Variants in DNAH3 observed in about 807,000 individuals in gnomAD.
The protein encoded by DNAH3 is axonemal beta dynein heavy chain 3.
DNAH3 carries 332 observed loss-of-function variants against 432.5 expected under a neutral mutation model. That is an observed-to-expected ratio of 0.77 (90% CI 0.70 to 0.84). DNAH3 has a LOEUF of 0.84. Among genes scored for constraint, DNAH3 ranks in the 40% least tolerant of loss-of-function variants. The pLI, the probability that DNAH3 is intolerant of heterozygous loss-of-function variation, is 0.00. For synonymous variants in DNAH3, 1,956 were observed against 1,900.2 expected (o/e 1.03, Z -0.76); for missense variants, 4,861 against 5,114.0 (o/e 0.95, Z 1.51).
chr16:20,935,843 C>CA (rs61499842), intron 60 of DNAH3, among the ~76,000 whole-genome samples: 771 of 55,706 alleles, frequency 0.014, 1 homozygote, highest in African/African-American at 0.029. Context: ...AACTTCATCT[C>CA]AAAAAAAAAA....
chr16:21,046,361 G>C (rs1340055709), intron 31 of DNAH3, among the ~76,000 whole-genome samples: 1 of 150,782 alleles, frequency 6.6e-6, no homozygotes, highest in East Asian at 1.9e-4. Flanking sequence ...TGGTGCTCCT[G>C]TATTGGGTGC....
intron 12 of DNAH3, among the ~76,000 whole-genome samples, chr16:21,114,692 T>C (rs1597403214): frequency 6.6e-6 from 1 of 152,120 alleles, no homozygotes; most frequent in East Asian, 1.9e-4. Context: ...CACAATGAGA[T>C]ACCATCTCAC....
chr16:21,027,931 G>A (rs1211904056), intron 37 of DNAH3, among the ~76,000 whole-genome samples: 1 of 152,144 alleles, frequency 6.6e-6, no homozygotes, highest in East Asian at 1.9e-4. Context: ...TTGAACACCC[G>A]CATGGACTAA....
rs563726729 is a variant in DNAH3 at position 21,003,271 on chromosome 16, A to G, written c.6023-64T>C. 465 of 1,069,416 alleles carry G rather than the reference A, an allele frequency of 4.3e-4. 7 individuals carry two copies. In the South Asian group the frequency reaches 6.0e-3, roughly 14 times the overall value. 66.2% of individuals were successfully genotyped at this position (1,069,416 alleles called of 1,614,324 possible). On this transcript the variant is annotated intron_variant, in intron 41 of 61. Coordinates refer to ENST00000261383, the Ensembl canonical transcript of DNAH3. Reference sequence around the variant, plus strand: ...AGGCTTTACTTGCCTCCCATATTTGAGGATTTTAAGTCCCTCAGTTATCAG... The same window carrying G: ...AGGCTTTACTTGCCTCCCATATTTGGGGATTTTAAGTCCCTCAGTTATCAG...
At chr16:21,070,973 C>G in intron 21 of DNAH3, 147 bp from the exon 22 acceptor site, 1 of 566,318 alleles carries the variant, frequency 1.8e-6, no homozygotes, top group East Asian at 3.0e-5. Context: ...CAGCCTCAAA[C>G]TCCTGGGCTT....
chr16:20,967,641 T>C (rs2085124532), intron 52 of DNAH3, among the ~76,000 whole-genome samples: 1 of 151,746 alleles, frequency 6.6e-6, no homozygotes, highest in Non-Finnish European at 1.5e-5. Flanking sequence ...TAGCTGGGAT[T>C]AGGCACACAC....
chr16:21,100,477 T>C (rs1246114805), intron 16 of DNAH3, among the ~76,000 whole-genome samples: 2 of 152,244 alleles, frequency 1.3e-5, no homozygotes, highest in African/African-American at 4.8e-5. Context: ...AAACATTTCA[T>C]TCATTCACTC....
Position 21,067,308 on chromosome 16 carries a change from C to A in DNAH3, c.3493G>T (p.Glu1165Ter). The A allele has an allele frequency of 6.2e-7, 1 of 1,614,076 alleles. No homozygotes were observed. The highest frequency in any genetic ancestry group is 8.5e-7 in the Non-Finnish European group (1 of 1,179,980). The change falls in exon 24 of 62, where the codon GAG (glutamate) becomes TAG (stop). Residue 1165 changes from glutamate to a stop codon, truncating the protein, a stop_gained. Coordinates refer to ENST00000261383, the Ensembl canonical transcript of DNAH3. LOFTEE classifies it high-confidence loss of function. ...CTGGGGAAGAATAGTCTCTTCTTCTCCAAGTAATCATTCAGCCCTTTCTGG... is the reference window on the plus strand; with the variant it reads ...CTGGGGAAGAATAGTCTCTTCTTCTACAAGTAATCATTCAGCCCTTTCTGG...
At chr16:21,106,537 T>C in exon 15 of DNAH3, 1 of 1,612,288 alleles carries the variant, frequency 6.2e-7, no homozygotes, top group Non-Finnish European at 8.5e-7. Context: ...TTCACTTGCA[T>C]CTCTAAGTTG....
At chr16:21,098,455 A>G (rs867703645) in intron 17 of DNAH3, among the ~76,000 whole-genome samples, 161 bp downstream of exon 17, 2,077 of 140,592 alleles carry the variant, frequency 0.015, 50 homozygotes, top group African/African-American at 0.048. Flanking sequence ...AAAAAAAAAA[A>G]AAAGAAAAGA....
chr16:21,039,037 GTATGTGTGTATA>G lies in DNAH3; in HGVS notation c.4730+803_4730+814del, dbSNP rs547107575. Among the ~76,000 whole-genome samples the G allele has an allele frequency of 5.9e-4, 90 of 152,264 alleles. No homozygotes were observed. The South Asian group carries it at 0.018, about 31-fold the overall frequency. On this transcript the variant is annotated intron_variant, in intron 33 of 61. Transcript: ENST00000261383. ...ATAACTCTTGGTGCATGTGTTATAT[GTATGTGTGTATA>G]CACACGTACACACTTGAAGACACTG... is the stretch of plus-strand genomic sequence containing the variant.
At chr16:21,140,425 G>C (rs2092703983) in intron 5 of DNAH3, 111 bp downstream of exon 6, 2 of 1,220,908 alleles carry the variant, frequency 1.6e-6, no homozygotes, top group African/African-American at 3.0e-5. Context: ...AGACTTTGGT[G>C]TTTTTCAAAC....
intron 7 of DNAH3, among the ~76,000 whole-genome samples, chr16:21,131,292 C>T (rs2092551606): frequency 6.6e-6 from 1 of 151,640 alleles, no homozygotes; most frequent in Non-Finnish European, 1.5e-5. Context: ...TGCCACTGCA[C>T]CACACCCTGG....
intron 48 of DNAH3, 83 bp from the exon 49 acceptor site, chr16:20,982,969 G>A (rs1187195782): frequency 6.6e-7 from 1 of 1,525,526 alleles, no homozygotes; most frequent in Admixed American, 1.7e-5. Flanking sequence ...CAAGGATTCT[G>A]GTGGGGTAAG....
At chr16:21,085,713 G>C (rs536055229) in intron 19 of DNAH3, among the ~76,000 whole-genome samples, 2 of 151,900 alleles carry the variant, frequency 1.3e-5, no homozygotes, top group East Asian at 3.9e-4. Flanking sequence ...TCTCTTCCTA[G>C]GGAGAACAAA....
chr16:20,995,663 T>C (rs1401475624), intron 44 of DNAH3, among the ~76,000 whole-genome samples: 1 of 152,216 alleles, frequency 6.6e-6, no homozygotes, highest in Non-Finnish European at 1.5e-5. Context: ...CTCTTTGCTT[T>C]GTTTCTATTC....
intron 51 of DNAH3, among the ~76,000 whole-genome samples, chr16:20,974,833 A>T (rs1033733712): frequency 1.9e-4 from 29 of 150,160 alleles, no homozygotes; most frequent in Non-Finnish European, 3.8e-4. Context: ...TATTATTATT[A>T]TTTTTTTAGA....
rs567177929 is a variant in DNAH3, at chr16:21,119,566, G to A, written c.1699+1174C>T. Among the ~76,000 whole-genome samples, 6 of 150,784 alleles carry A rather than the reference G, an allele frequency of 4.0e-5. No individual in the cohort carries two copies. In the South Asian group the frequency reaches 1.3e-3, roughly 32 times the overall value. On this transcript the variant is annotated intron_variant, in intron 11 of 61. Coordinates refer to ENST00000261383, the Ensembl canonical transcript of DNAH3. ...GATGGCTTGAGCCTGGGAGGTAGAG[G>A]TTGCCTCCCGGGCTCAAGCAGAAAA... is the stretch of plus-strand genomic sequence containing the variant.
At chr16:21,072,320 G>A (rs1459262676) in intron 21 of DNAH3, among the ~76,000 whole-genome samples, 1 of 152,006 alleles carries the variant, frequency 6.6e-6, no homozygotes, top group Non-Finnish European at 1.5e-5. Context: ...ATGTATACAT[G>A]TGCCATGTAT....
Sources: gnomAD v4.1 joint callset for allele counts (sites outside exome capture counted in the v4.1 genomes callset) on GRCh38, gnomAD v4.1.1 for gene constraint, MANE v1.5 for transcripts, NCBI Gene and HGNC (gene_info 2026-07-23, HGNC 2026-07-21) for gene names.